The following COPS3 variants were observed in gnomAD, a reference collection of about 807,000 sequenced individuals.
The protein encoded by COPS3 is COP9 signalosome subunit 3.
A neutral mutation model predicts 58.2 loss-of-function variants in COPS3; 10 were observed. The ratio of observed to expected loss-of-function variants is 0.17; its 90% CI spans 0.11 to 0.29. The LOEUF is 0.29. COPS3 is among the 10% of genes least tolerant of loss of function. The pLI is 1.00. For missense variants in COPS3, 333 were observed against 510.1 expected (o/e 0.65, Z 3.34); for synonymous variants, 187 against 181.7 (o/e 1.03, Z -0.24).
chr17:17,272,995 T>G (rs1156716279), intron 2 of COPS3, among the ~76,000 whole-genome samples: 1 of 152,254 alleles, frequency 6.6e-6, no homozygotes, highest in Non-Finnish European at 1.5e-5. Context: ...AAATAGACCT[T>G]ATTTTAATTG....
chr17:17,250,750 T>C (rs2047825143), intron 9 of COPS3, among the ~76,000 whole-genome samples: 1 of 152,188 alleles, frequency 6.6e-6, no homozygotes, highest in Non-Finnish European at 1.5e-5. Flanking sequence ...ACTTGTCCAT[T>C]TGTTAGCAGT....
At chr17:17,251,846 G>C (rs1037516664) in intron 9 of COPS3, among the ~76,000 whole-genome samples, 2 of 151,976 alleles carry the variant, frequency 1.3e-5, no homozygotes, top group African/African-American at 4.8e-5. Context: ...AGCACTTTGG[G>C]AGGCCGAGGT....
At chr17:17,258,309 T>A (rs907697801) in intron 8 of COPS3, among the ~76,000 whole-genome samples, 15 of 151,984 alleles carry the variant, frequency 9.9e-5, no homozygotes, top group African/African-American at 3.4e-4. Flanking sequence ...CAAAAAAAAA[T>A]TTTTTTTGAG....
chr17:17,273,020 C>T (rs770989515), intron 2 of COPS3, among the ~76,000 whole-genome samples: 2 of 152,124 alleles, frequency 1.3e-5, no homozygotes, highest in Non-Finnish European at 2.9e-5. Context: ...TCCTTGTAAC[C>T]GTGTACTTGA....
intron 8 of COPS3, among the ~76,000 whole-genome samples, chr17:17,255,587 C>T (rs1393115344): frequency 6.6e-6 from 1 of 151,606 alleles, no homozygotes; most frequent in Non-Finnish European, 1.5e-5. Context: ...CACCTGTAAT[C>T]CCACCACTTT....
chr17:17,260,570 G>A (rs1459062958), intron 7 of COPS3, 96 bp from the exon 8 acceptor site: 10 of 1,193,100 alleles, frequency 8.4e-6, no homozygotes, highest in African/African-American at 4.5e-5. Flanking sequence ...TTGGGAGGCC[G>A]AGGCGGACAA....
At chr17:17,268,795 G>A (rs1260382934) in intron 4 of COPS3, among the ~76,000 whole-genome samples, 1 of 150,196 alleles carries the variant, frequency 6.7e-6, no homozygotes, top group African/African-American at 2.5e-5. Context: ...CTCCAGCCTG[G>A]GCAACAGAGC....
chr17:17,267,207 G>A (rs1379133447), intron 5 of COPS3, among the ~76,000 whole-genome samples: 3 of 151,532 alleles, frequency 2.0e-5, no homozygotes, highest in Non-Finnish European at 2.9e-5. Flanking sequence ...GCGTGATAGC[G>A]GGCGCCTGTA....
intron 5 of COPS3, among the ~76,000 whole-genome samples, chr17:17,267,360 G>A (rs1201294298): frequency 1.3e-5 from 2 of 150,546 alleles, no homozygotes; most frequent in African/African-American, 4.9e-5. Flanking sequence ...TACAACTAGG[G>A]CCGGGTGTGG....
intron 9 of COPS3, among the ~76,000 whole-genome samples, chr17:17,251,813 C>T (rs564896291): frequency 4.6e-5 from 7 of 152,052 alleles, no homozygotes; most frequent in Non-Finnish European, 8.8e-5. Context: ...AGGCCGGGCA[C>T]GGTGGCTCAT....
At chr17:17,257,579 C>T (rs1328424606) in intron 8 of COPS3, among the ~76,000 whole-genome samples, 1 of 151,262 alleles carries the variant, frequency 6.6e-6, no homozygotes, top group South Asian at 2.1e-4. Flanking sequence ...GGGCGGATCA[C>T]GAGGTCAGGA....
Position 17,254,977 on chromosome 17 carries a change from AG to A in COPS3, c.937-33del, listed in dbSNP as rs544858551. 1.2e-4 allele frequency: 180 copies of A among 1,467,660 alleles called. 1 individual carries two copies. The South Asian group carries it at 1.6e-3, about 13-fold the overall frequency. 90.9% of individuals were successfully genotyped at this position (1,467,660 alleles called of 1,614,324 possible). A position where few individuals can be genotyped will look rare whatever the true frequency, so the allele number is the denominator to read the frequency against. ...GTCAGAAGCAGAATTAGTCACAGGT[AG>A]GAACAACGAAGGAAGGACATTTTAT... On this transcript the variant is annotated intron_variant, in intron 8 of 11. Coordinates refer to ENST00000268717, the MANE Select transcript of COPS3 (RefSeq NM_003653.4).
intron 2 of COPS3, among the ~76,000 whole-genome samples, chr17:17,274,486 G>A (rs1452290047): frequency 3.4e-5 from 5 of 149,126 alleles, no homozygotes; most frequent in South Asian, 2.1e-4. Context: ...GTGCAGTGGC[G>A]TTGTCTCAGC....
At chr17:17,266,996 C>G (rs1400488447) in intron 5 of COPS3, among the ~76,000 whole-genome samples, 1 of 150,700 alleles carries the variant, frequency 6.6e-6, no homozygotes, top group Non-Finnish European at 1.5e-5. Context: ...GCGTGAACCA[C>G]TGCACCTGGC....
intron 10 of COPS3, among the ~76,000 whole-genome samples, chr17:17,248,135 A>AC (rs2047762757): frequency 6.6e-6 from 1 of 152,002 alleles, no homozygotes; most frequent in Non-Finnish European, 1.5e-5. Context: ...ATGTTTCCTA[A>AC]CCTCCCAACC....
At chr17:17,253,581 T>C (rs2047897442) in intron 9 of COPS3, among the ~76,000 whole-genome samples, 2 of 152,158 alleles carry the variant, frequency 1.3e-5, no homozygotes, top group African/African-American at 2.4e-5. Flanking sequence ...GCCTCCTTTA[T>C]GTCAGTGCTG....
chr17:17,259,507 T>A (rs1311087458), intron 8 of COPS3, among the ~76,000 whole-genome samples: 2 of 152,124 alleles, frequency 1.3e-5, no homozygotes, highest in Non-Finnish European at 2.9e-5. Flanking sequence ...AAATAAAAAT[T>A]ATATAATTGG....
chr17:17,280,925 G>T, intron 1 of COPS3: 1 of 878,098 alleles, frequency 1.1e-6, no homozygotes. Context: ...GGGGAGGCCG[G>T]CCGGCGAGGA....
intron 2 of COPS3, among the ~76,000 whole-genome samples, chr17:17,273,061 G>C (rs2048386106): frequency 6.6e-6 from 1 of 152,108 alleles, no homozygotes; most frequent in African/African-American, 2.4e-5. Flanking sequence ...TGATGTTATA[G>C]TATTATAAAT....
Sources: gnomAD v4.1 joint callset for allele counts (sites outside exome capture counted in the v4.1 genomes callset) on GRCh38, gnomAD v4.1.1 for gene constraint, MANE v1.5 for transcripts, NCBI Gene and HGNC (gene_info 2026-07-23, HGNC 2026-07-21) for gene names.